SYNE2: variants seen among roughly 807,000 people sequenced by gnomAD.
SYNE2 encodes spectrin repeat containing nuclear envelope protein 2.
SYNE2 carries 431 observed loss-of-function variants against 856.3 expected under a neutral mutation model. The observed-to-expected ratio is 0.50, with a 90% CI of 0.47 to 0.55. The LOEUF is 0.55. Ranked by LOEUF, SYNE2 falls within the 20% of genes least tolerant of loss-of-function variation. The probability of loss-of-function intolerance (pLI) is 0.00; values close to 1 mark genes in which losing one functional copy is unlikely to be tolerated. For missense variants in SYNE2, 8,129 were observed against 8,023.2 expected, an observed-to-expected ratio of 1.01 and a Z score of -0.50; for synonymous variants, 2,923 against 2,872.3, an observed-to-expected ratio of 1.02 and a Z score of -0.56.
intron 106 of SYNE2, 80 bp from the exon 107 acceptor site, chr14:64,215,206 A>C (rs1304424297): frequency 1.6e-6 from 2 of 1,252,604 alleles, no homozygotes; most frequent in Non-Finnish European, 2.4e-6. Flanking sequence ...TCCAGCTGAC[A>C]ATGTTTCTAC....
At chr14:63,785,481 CAAA>C (rs200802487) in intron 1 of SYNE2, among the ~76,000 whole-genome samples, 3 of 151,370 alleles carry the variant, frequency 2.0e-5, no homozygotes, top group Admixed American at 2.0e-4. Flanking sequence ...AACAAACAAA[CAAA>C]AAAAACACCT....
rs112399228 is a variant in SYNE2, at chr14:63,994,595, A to G, written c.2782-449A>G. Among the ~76,000 whole-genome samples, 12 of 152,344 alleles carry G rather than the reference A, an allele frequency of 7.9e-5. 1 individual carries two copies. Among genetic ancestry groups the G allele is most frequent in the African/African-American group, 2.4e-4 (10 of 41,586 alleles). On this transcript the variant is annotated intron_variant, in intron 22 of 115. Transcript: ENST00000555002. ...ATACGATTACTGGGTCAATGTTAATACATTATTTTTTCTAGCAGTTTACCC... is the reference window on the plus strand; with the variant it reads ...ATACGATTACTGGGTCAATGTTAATGCATTATTTTTTCTAGCAGTTTACCC...
At chr14:63,824,233 G>A (rs920339695) in intron 1 of SYNE2, among the ~76,000 whole-genome samples, 1 of 152,128 alleles carries the variant, frequency 6.6e-6, no homozygotes, top group African/African-American at 2.4e-5. Context: ...CAGCTACTTG[G>A]GAGGCTGAGG....
chr14:64,069,226 TC>T (rs11325174), intron 51 of SYNE2, among the ~76,000 whole-genome samples: 6,369 of 152,186 alleles, frequency 0.042, 467 homozygotes, highest in African/African-American at 0.14. Context: ...GATGTACAAT[TC>T]CCCCATCTAT....
chr14:63,904,134 T>G (rs1187258461), intron 1 of SYNE2, among the ~76,000 whole-genome samples: 1 of 152,210 alleles, frequency 6.6e-6, no homozygotes, highest in Non-Finnish European at 1.5e-5. Context: ...CCATCCATGT[T>G]GCTGCAAAGG....
At chr14:63,803,254 C>T (rs188618514) in intron 1 of SYNE2, among the ~76,000 whole-genome samples, 8 of 152,318 alleles carry the variant, frequency 5.3e-5, no homozygotes, top group South Asian at 4.1e-4. Flanking sequence ...CAGTCCAGCG[C>T]GGTGCGCTCG....
intron 65 of SYNE2, among the ~76,000 whole-genome samples, chr14:64,112,828 A>T (rs997367593): frequency 6.6e-6 from 1 of 152,232 alleles, no homozygotes; most frequent in Non-Finnish European, 1.5e-5. Context: ...AAAAGCTAAA[A>T]TTTTTATAAT....
chr14:64,168,102 C>A (rs776371343), intron 92 of SYNE2, among the ~76,000 whole-genome samples: 8 of 152,060 alleles, frequency 5.3e-5, no homozygotes, highest in Non-Finnish European at 1.0e-4. Context: ...ATAGGCAGAT[C>A]CTGCTTTTTT....
At chr14:64,221,413 T>G in intron 111 of SYNE2, 163 bp from the exon 112 acceptor site, 4 of 1,284,986 alleles carry the variant, frequency 3.1e-6, no homozygotes, top group Non-Finnish European at 4.4e-6. Context: ...CTCTTCCTCA[T>G]TTTGGGGCCC....
intron 64 of SYNE2, among the ~76,000 whole-genome samples, chr14:64,106,964 G>A (rs889202442): frequency 6.6e-6 from 1 of 152,008 alleles, no homozygotes; most frequent in Non-Finnish European, 1.5e-5. Flanking sequence ...GTTCCTAAAT[G>A]GAATAAATTC....
Position 63,909,128 on chromosome 14 carries a change from T to C in SYNE2, c.-21T>C, listed in dbSNP as rs1358477049. On this transcript the variant is annotated 5_prime_UTR_variant, in exon 2 of 116. The change abolishes the stop of an existing upstream ORF in the 5' untranslated region. Transcript: ENST00000555002. ...TTCTTCAACTGAGATGGACATGATATAATCTCCATTGAGTCAAAGAATGGC... is the reference window on the plus strand; with the variant it reads ...TTCTTCAACTGAGATGGACATGATACAATCTCCATTGAGTCAAAGAATGGC... 6.5e-7 allele frequency: 1 copy of C among 1,545,962 alleles called. No homozygotes were observed. Among genetic ancestry groups the C allele is most frequent in the Non-Finnish European group, 8.9e-7 (1 of 1,118,086 alleles).
rs397726340 is a variant in SYNE2 at position 63,993,818 on chromosome 14, AT to A, written c.2647-3del. ...TGAGGCTTTTATGATTTTGTTTGCAATTTTTTTTTTTTTTAGGAAGCACTAA... is the reference window on the plus strand; with the variant it reads ...TGAGGCTTTTATGATTTTGTTTGCAATTTTTTTTTTTTTAGGAAGCACTAA... On this transcript the variant is annotated splice_polypyrimidine_tract_variant and intron_variant, in intron 21 of 115. Transcript: ENST00000555002. The A allele has an allele frequency of 0.023, 32,046 of 1,372,580 alleles. 12 individuals carry two copies. Among genetic ancestry groups the A allele is most frequent in the East Asian group, 0.051 (2,053 of 40,302 alleles). The allele number at this position is 1,372,580 out of a possible 1,614,324, so 85.0% of individuals were successfully genotyped here.
chr14:64,146,026 A>G, intron 83 of SYNE2, 42 bp from the exon 84 acceptor site: 1 of 1,425,386 alleles, frequency 7.0e-7, no homozygotes, highest in Non-Finnish European at 9.5e-7. Context: ...ACCTTTTAAA[A>G]CATACATTTT....
intron 1 of SYNE2, among the ~76,000 whole-genome samples, chr14:63,874,798 T>G (rs542795334): frequency 2.6e-5 from 4 of 152,210 alleles, no homozygotes; most frequent in Non-Finnish European, 5.9e-5. Context: ...GTTTGCTTAG[T>G]CAAAATTAAT....
rs765066734 is a variant in SYNE2, at chr14:64,080,617, T to C, written c.11325T>C (p.Cys3775=). ...QYQQVSQRAE[C]RTSQLNKATV... is the part of the protein sequence containing the mutation. ...AGCAAGTATCACAGAGAGCAGAGTG[T>C]AGAACCTCACAGTTGAATAAGGTAT... The change falls in exon 56 of 116, where the codon TGT becomes TGC. Residue 3775 remains cysteine (C), a synonymous_variant. Transcript: ENST00000555002. 1.2e-5 allele frequency: 19 copies of C among 1,614,054 alleles called. No individual in the cohort carries two copies. The highest frequency in any genetic ancestry group is 1.6e-4 in the Middle Eastern group (1 of 6,084).
chr14:64,087,821 A>G lies in SYNE2; in HGVS notation c.11635A>G (p.Met3879Val). 6.2e-7 allele frequency: 1 copy of G among 1,614,150 alleles called. No individual in the cohort carries two copies. The highest frequency in any genetic ancestry group is 8.5e-7 in the Non-Finnish European group (1 of 1,179,968). ...AGTAACAGCTTTACAACAAAAAATA[A>G]TGGAAAGCCTTCCACAGATTCAGCG... ...NQVTALQQKI[M>V]ESLPQIQRMA... is the part of the protein sequence containing the mutation. The change falls in exon 58 of 116, where the codon ATG becomes GTG. Residue 3879 changes from methionine to valine, a missense_variant. By Grantham distance (21) the Met-to-Val change is conservative. Around this residue, in one of 3 missense-constraint regions of SYNE2, gnomAD observed 5,410 missense variants for 5,284.8 expected, o/e 1.02. Transcript: ENST00000555002.
At chr14:63,925,524 AG>A (rs1194147589) in intron 2 of SYNE2, among the ~76,000 whole-genome samples, 2 of 152,168 alleles carry the variant, frequency 1.3e-5, no homozygotes, top group African/African-American at 2.4e-5. Context: ...ATACTCTGTA[AG>A]TTATTTTAAA....
intron 101 of SYNE2, 64 bp downstream of exon 101, chr14:64,209,009 C>T (rs2098625047): frequency 6.4e-7 from 1 of 1,558,834 alleles, no homozygotes; most frequent in Non-Finnish European, 8.7e-7. Context: ...ACCCTTCTGA[C>T]CTCATTCACA....
intron 63 of SYNE2, chr14:64,099,873 A>G (rs1423075705): frequency 6.6e-6 from 1 of 152,096 alleles, no homozygotes; most frequent in Admixed American, 6.5e-5. Flanking sequence ...AGCATTAGGT[A>G]TATCTCCCAA....
Sources: gnomAD v4.1 joint callset for allele counts (sites outside exome capture counted in the v4.1 genomes callset) on GRCh38, gnomAD v4.1.1 for gene constraint, gnomAD v4.1.1 regional missense constraint, MANE v1.5 for transcripts, NCBI Gene and HGNC (gene_info 2026-07-23, HGNC 2026-07-21) for gene names.